PPP1R37: variants seen among roughly 807,000 people sequenced by gnomAD.
PPP1R37 encodes the protein leucine rich repeat containing 68.
PPP1R37 carries 21 observed loss-of-function variants against 61.0 expected under a neutral mutation model. The observed-to-expected ratio is 0.34, with a 90% confidence interval of 0.24 to 0.50. The LOEUF is 0.50. Among genes scored for constraint, PPP1R37 ranks in the 20% least tolerant of loss-of-function variants. The pLI is 0.98. For missense variants in PPP1R37, 910 were observed against 952.7 expected, an observed-to-expected ratio of 0.96 and a Z score of 0.59; for synonymous variants, 443 against 433.5, an observed-to-expected ratio of 1.02 and a Z score of -0.27.
intron 2 of PPP1R37, 71 bp downstream of exon 2, chr19:45,138,682 C>A: frequency 9.6e-7 from 1 of 1,041,094 alleles, no homozygotes; most frequent in Non-Finnish European, 1.4e-6. Flanking sequence ...ACCAGCCCAG[C>A]AGGAGAGGGC....
intron 1 of PPP1R37, among the ~76,000 whole-genome samples, chr19:45,110,477 C>T (rs978513768): frequency 7.9e-5 from 12 of 152,094 alleles, no homozygotes; most frequent in African/African-American, 1.2e-4. Context: ...TCTTATGGGT[C>T]TTTTCTAACT....
At chr19:45,140,355 G>T in intron 3 of PPP1R37, 74 bp downstream of exon 3, 1 of 1,428,766 alleles carries the variant, frequency 7.0e-7, no homozygotes, top group South Asian at 1.2e-5. Context: ...TGGGTCTGAG[G>T]ACCTGCCTGG....
rs561693389 is a variant in PPP1R37 at position 45,145,095 on chromosome 19, C to G, written c.1131C>G (p.Gly377=). ...CCAGCCCCTGCGGTGCCCCCCCAGG[C>G]GCGGTGGCGGTGGCGGAGTTCATCG... ...GLASTKLTCE[G]AVAVAEFIAE... The change falls in exon 10 of 13, where the codon GGC becomes GGG. Residue 377 remains glycine, a splice_region_variant and synonymous_variant. Transcript: ENST00000221462. 6.5e-7 allele frequency: 1 copy of G among 1,532,488 alleles called. No individual in the cohort carries two copies. Among genetic ancestry groups the G allele is most frequent in the Non-Finnish European group, 8.7e-7 (1 of 1,145,398 alleles). The allele number at this position is 1,532,488 out of a possible 1,614,324, so 94.9% of individuals were successfully genotyped here.
chr19:45,143,413 G>A lies in PPP1R37; in HGVS notation c.875-108G>A, dbSNP rs546181722. 328 of 641,616 alleles carry A rather than the reference G, an allele frequency of 5.1e-4. 2 individuals carry two copies. The highest frequency in any genetic ancestry group is 2.6e-3 in the South Asian group (139 of 54,480). 39.7% of individuals were successfully genotyped at this position (641,616 alleles called of 1,614,324 possible). Reference sequence around the variant, plus strand: ...GCTGCAGGGCAAGGCCTGGGACTGCGGGGCCTCCATGGAGGTCCTAAGCAG... The same window carrying A: ...GCTGCAGGGCAAGGCCTGGGACTGCAGGGCCTCCATGGAGGTCCTAAGCAG... On this transcript the variant is annotated intron_variant, in intron 7 of 12. Transcript: ENST00000221462.
chr19:45,120,205 G>A (rs1378956740), intron 1 of PPP1R37, among the ~76,000 whole-genome samples: 2 of 151,982 alleles, frequency 1.3e-5, no homozygotes, highest in Non-Finnish European at 2.9e-5. Context: ...TTTTAGTAGA[G>A]ACAAGGTTTC....
At chr19:45,131,690 C>T (rs532821993) in intron 1 of PPP1R37, among the ~76,000 whole-genome samples, 25 of 152,336 alleles carry the variant, frequency 1.6e-4, no homozygotes, top group African/African-American at 6.0e-4. Context: ...GAGTTCAAGA[C>T]CAGCCTGGGC....
Position 45,093,239 on chromosome 19 carries a change from T to C in PPP1R37, c.-87T>C. 2 of 1,097,100 alleles carry C rather than the reference T, an allele frequency of 1.8e-6. No homozygotes were observed. The highest frequency in any genetic ancestry group is 2.4e-5 in the South Asian group (1 of 41,920). The allele number at this position is 1,097,100 out of a possible 1,614,324, so 68.0% of individuals were successfully genotyped here. Reference sequence around the variant, plus strand: ...GCGCCTGAAGCGGCGGCGGAGCCCATGCCCCGGGACGGCGGGCGGACCCGG... The same window carrying C: ...GCGCCTGAAGCGGCGGCGGAGCCCACGCCCCGGGACGGCGGGCGGACCCGG... On this transcript the variant is annotated 5_prime_UTR_variant, in exon 1 of 13. The change abolishes an upstream ATG in the 5' untranslated region. Transcript: ENST00000221462.
At chr19:45,106,214 C>T (rs763773311) in intron 1 of PPP1R37, among the ~76,000 whole-genome samples, 4 of 151,706 alleles carry the variant, frequency 2.6e-5, no homozygotes, top group Non-Finnish European at 4.4e-5. Context: ...CTGCTCTCCT[C>T]GGCCACCCCT....
chr19:45,142,018 A>G, intron 5 of PPP1R37, 43 bp from the exon 6 acceptor site: 9 of 1,455,446 alleles, frequency 6.2e-6, no homozygotes, highest in Non-Finnish European at 8.2e-6. Flanking sequence ...GTGCTGGGGC[A>G]GGCCTGAGCC....
At chr19:45,139,110 T>C (rs561691382) in intron 2 of PPP1R37, among the ~76,000 whole-genome samples, 21 of 151,598 alleles carry the variant, frequency 1.4e-4, no homozygotes, top group African/African-American at 5.1e-4. Flanking sequence ...AGAGACGGGG[T>C]TTCGCCATGT....
intron 8 of PPP1R37, 126 bp from the exon 9 acceptor site, chr19:45,144,728 C>A (rs1480854566): frequency 2.5e-6 from 2 of 792,784 alleles, no homozygotes; most frequent in Admixed American, 5.9e-5. Context: ...CCGGTGTTCA[C>A]GCAGGCGCGC....
Position 45,145,718 on chromosome 19 carries a change from G to A in PPP1R37, c.1662G>A (p.Glu554=), listed in dbSNP as rs1461310476. 6.5e-7 allele frequency: 1 copy of A among 1,534,144 alleles called. No individual in the cohort carries two copies. The highest frequency in any genetic ancestry group is 8.7e-7 in the Non-Finnish European group (1 of 1,146,024). ...SPPGSPSTPT[E]QRISVSSPGR... ...CAGGCAGCCCCTCCACACCCACCGA[G>A]CAGCGGATTTCCGTGTCCAGCCCGG... Residue 554 remains glutamate (E), a synonymous_variant, in exon 11 of 13, where the codon GAG becomes GAA. Coordinates refer to ENST00000221462, the MANE Select transcript of PPP1R37 (RefSeq NM_019121.2).
intron 11 of PPP1R37, 159 bp from the exon 12 acceptor site, chr19:45,146,231 G>A (rs1968697786): frequency 1.1e-6 from 1 of 894,160 alleles, no homozygotes; most frequent in Non-Finnish European, 1.6e-6. Context: ...AGCTCTTCCT[G>A]GGGTGGGGGG....
At chr19:45,126,824 G>A (rs544646472) in intron 1 of PPP1R37, among the ~76,000 whole-genome samples, 1 of 152,218 alleles carries the variant, frequency 6.6e-6, no homozygotes, top group South Asian at 2.1e-4. Flanking sequence ...AGGTCCTATC[G>A]ATTATCTGAT....
chr19:45,117,720 C>T (rs997650859), intron 1 of PPP1R37, among the ~76,000 whole-genome samples: 1 of 152,214 alleles, frequency 6.6e-6, no homozygotes, highest in Non-Finnish European at 1.5e-5. Context: ...CCACCCAAGG[C>T]AGGGACAGGC....
intron 1 of PPP1R37, among the ~76,000 whole-genome samples, chr19:45,120,528 A>G (rs1467664322): frequency 2.0e-5 from 3 of 152,114 alleles, no homozygotes; most frequent in African/African-American, 7.2e-5. Flanking sequence ...TGCATTCACA[A>G]GCTGCTGCAG....
intron 1 of PPP1R37, among the ~76,000 whole-genome samples, chr19:45,123,097 CCCCTCCCT>C (rs991780066): frequency 6.6e-6 from 1 of 151,910 alleles, no homozygotes; most frequent in Non-Finnish European, 1.5e-5. Flanking sequence ...GCCTCCATGT[CCCCTCCCT>C]CCCTCCCTCC....
intron 1 of PPP1R37, among the ~76,000 whole-genome samples, chr19:45,134,627 C>T (rs774695581): frequency 1.2e-4 from 18 of 150,704 alleles, no homozygotes; most frequent in African/African-American, 2.2e-4. Context: ...GGCACGATCT[C>T]GGCTCACTGC....
chr19:45,093,612 C>A, intron 1 of PPP1R37, 85 bp downstream of exon 1: 2 of 1,033,822 alleles, frequency 1.9e-6, no homozygotes, highest in Non-Finnish European at 1.4e-6. Flanking sequence ...CTCGAGGTGG[C>A]GTTCAATAGA....
Sources: allele counts gnomAD v4.1 joint callset (sites outside exome capture counted in the v4.1 genomes callset), GRCh38; gene constraint gnomAD v4.1.1; transcripts MANE v1.5; gene names NCBI Gene and HGNC (gene_info 2026-07-23, HGNC 2026-07-21).